Variants in KSR1 observed in about 807,000 individuals in gnomAD.
KSR1 encodes kinase suppressor of ras 1, also known as kinase suppressor of ras.
Under a neutral mutation model 92.9 loss-of-function variants are expected in KSR1, and 35 were observed. The observed-to-expected ratio is 0.38, with a 90% CI of 0.29 to 0.50. The LOEUF is 0.50. Among genes scored for constraint, KSR1 ranks in the 20% least tolerant of loss-of-function variants. The probability of loss-of-function intolerance (pLI) is 0.94; values close to 1 mark genes in which losing one functional copy is unlikely to be tolerated. For synonymous variants in KSR1, 467 were observed against 472.6 expected, an observed-to-expected ratio of 0.99 and a Z score of 0.15; for missense variants, 972 against 1,158.5, an observed-to-expected ratio of 0.84 and a Z score of 2.34.
Position 27,577,386 on chromosome 17 carries a change from C to A in KSR1, c.373-106C>A. On this transcript the variant is annotated intron_variant, in intron 2 of 20. Transcript: ENST00000644974. The surrounding 1 kb of genome is among the most constrained non-coding windows in gnomAD (Gnocchi z 4.5). ...TGGCTCTGGTCAGAGGCCGGCCCAG[C>A]CAGCAGCTGGCCCCTGCCACTCAGC... 1 of 686,090 alleles carries A rather than the reference C, an allele frequency of 1.5e-6. No individual in the cohort carries two copies. The highest frequency in any genetic ancestry group is 2.4e-6 in the Non-Finnish European group (1 of 408,784). The allele number at this position is 686,090 out of a possible 1,614,324, so 42.5% of individuals were successfully genotyped here.
At chr17:27,479,668 G>C (rs2068454585) in intron 1 of KSR1, among the ~76,000 whole-genome samples, 1 of 152,192 alleles carries the variant, frequency 6.6e-6, no homozygotes, top group African/African-American at 2.4e-5. Flanking sequence ...GGGCATCCCA[G>C]ACCTCTGTTG....
intron 1 of KSR1, among the ~76,000 whole-genome samples, chr17:27,487,051 A>G (rs1285801640): frequency 1.3e-5 from 2 of 152,228 alleles, no homozygotes; most frequent in Non-Finnish European, 2.9e-5. Flanking sequence ...GTAAAAGAAT[A>G]TAGAATGAAA....
intron 1 of KSR1, among the ~76,000 whole-genome samples, chr17:27,500,809 G>T (rs1202732352): frequency 6.6e-6 from 1 of 152,144 alleles, no homozygotes; most frequent in Non-Finnish European, 1.5e-5. Flanking sequence ...CGAGTAGCGG[G>T]GGCAAAGGGT....
intron 2 of KSR1, among the ~76,000 whole-genome samples, chr17:27,552,808 G>T (rs2071441908): frequency 6.6e-6 from 1 of 152,194 alleles, no homozygotes; most frequent in Non-Finnish European, 1.5e-5. Flanking sequence ...GCCACAGTGG[G>T]GTCCTGGGGC....
At chr17:27,606,549 C>G (rs2073759256) in intron 14 of KSR1, among the ~76,000 whole-genome samples, 1 of 152,120 alleles carries the variant, frequency 6.6e-6, no homozygotes, top group Admixed American at 6.5e-5. Flanking sequence ...CACAGTATCC[C>G]CATCACGTAG....
chr17:27,597,567 C>A lies in KSR1; in HGVS notation c.1468+131C>A, dbSNP rs111999043. On this transcript the variant is annotated intron_variant, in intron 10 of 20. Coordinates refer to ENST00000644974, the MANE Select transcript of KSR1 (RefSeq NM_001394583.1). ...AGCTGATGTTTATGAAGTACTTGTCCGGCGCCCCAAGCACAATAGCTCTGA... is the reference window on the plus strand; with the variant it reads ...AGCTGATGTTTATGAAGTACTTGTCAGGCGCCCCAAGCACAATAGCTCTGA... 592 of 986,304 alleles carry A rather than the reference C, an allele frequency of 6.0e-4. 3 individuals carry two copies. In the African/African-American group the frequency reaches 7.5e-3, roughly 12 times the overall value. The allele number at this position is 986,304 out of a possible 1,614,324, so 61.1% of individuals were successfully genotyped here. A position where few individuals can be genotyped will look rare whatever the true frequency, so the allele number is the denominator to read the frequency against.
intron 1 of KSR1, among the ~76,000 whole-genome samples, chr17:27,524,742 A>C (rs1356149614): frequency 6.6e-6 from 1 of 152,194 alleles, no homozygotes; most frequent in East Asian, 1.9e-4. Flanking sequence ...CCACCTGCAC[A>C]TTGAGTTTTC....
At position 27,603,862 on chromosome 17, in the gene KSR1, G is replaced by T. The variant is rs374446504; in HGVS notation, c.1539G>T (p.Pro513=). 2 of 1,613,904 alleles carry T rather than the reference G, an allele frequency of 1.2e-6. No individual in the cohort carries two copies. The highest frequency in any genetic ancestry group is 1.7e-6 in the Non-Finnish European group (2 of 1,179,850). ...TTTCAGCCTTTGCACACGCAGCCCC[G>T]CTCCCTGAAGCTGCCGACGGTACCC... is the stretch of plus-strand genomic sequence containing the variant. The part of the protein sequence containing the change: ...PDISAFAHAA[P]LPEAADGTRL... The change falls in exon 12 of 21, where the codon CCG becomes CCT. Residue 513 remains proline (P), a synonymous_variant. Coordinates refer to ENST00000644974, the MANE Select transcript of KSR1 (RefSeq NM_001394583.1).
chr17:27,539,210 G>A (rs2070868890), intron 1 of KSR1, among the ~76,000 whole-genome samples: 1 of 152,218 alleles, frequency 6.6e-6, no homozygotes, highest in African/African-American at 2.4e-5. Flanking sequence ...GTGATTGAGG[G>A]GTTGAGCTGA....
At chr17:27,572,542 T>A (rs1479062058) in intron 2 of KSR1, among the ~76,000 whole-genome samples, 1 of 152,232 alleles carries the variant, frequency 6.6e-6, no homozygotes, top group Non-Finnish European at 1.5e-5. Flanking sequence ...CCCTTGGCTT[T>A]GAGACAACTT....
chr17:27,564,736 A>AC (rs34194473), intron 2 of KSR1, among the ~76,000 whole-genome samples: 1,127 of 101,440 alleles, frequency 0.011, 30 homozygotes, highest in South Asian at 0.019. Context: ...AAGATGGAAG[A>AC]CCCCCCCCCC....
chr17:27,511,504 C>A (rs1306207026), intron 1 of KSR1, among the ~76,000 whole-genome samples: 1 of 152,184 alleles, frequency 6.6e-6, no homozygotes, highest in East Asian at 1.9e-4. Context: ...GACAAGAAAA[C>A]AGCCTGCTCT....
intron 1 of KSR1, among the ~76,000 whole-genome samples, chr17:27,484,093 A>G (rs936118830): frequency 6.6e-6 from 1 of 152,042 alleles, no homozygotes; most frequent in Non-Finnish European, 1.5e-5. Flanking sequence ...TGTGAGAAAT[A>G]TTTGCTGGAA....
At chr17:27,606,251 C>T (rs1363982488) in intron 14 of KSR1, among the ~76,000 whole-genome samples, 1 of 152,176 alleles carries the variant, frequency 6.6e-6, no homozygotes, top group Admixed American at 6.5e-5. Context: ...TGCACTCCAG[C>T]CTGGGTGACA....
chr17:27,623,268 T>C (rs1433476845), intron 20 of KSR1, 46 bp from the exon 21 acceptor site: 1 of 746,156 alleles, frequency 1.3e-6, no homozygotes, highest in South Asian at 1.4e-5. Flanking sequence ...CTAATTCTGA[T>C]GAAGATCAAT....
intron 2 of KSR1, among the ~76,000 whole-genome samples, chr17:27,556,743 T>C (rs1380846417): frequency 6.6e-6 from 1 of 152,200 alleles, no homozygotes; most frequent in Non-Finnish European, 1.5e-5. Flanking sequence ...GTGTGTTGAA[T>C]GGTCAGTGTG....
At chr17:27,616,048 T>C (rs2074044876) in intron 18 of KSR1, among the ~76,000 whole-genome samples, 1 of 152,238 alleles carries the variant, frequency 6.6e-6, no homozygotes, top group Admixed American at 6.5e-5. Flanking sequence ...TTATGCCTGC[T>C]ATAGTGAAAT....
chr17:27,529,157 T>G (rs540025249), intron 1 of KSR1, among the ~76,000 whole-genome samples: 1 of 152,338 alleles, frequency 6.6e-6, no homozygotes, highest in South Asian at 2.1e-4. Context: ...AATTAATGCC[T>G]TAAATTAAAA....
intron 2 of KSR1, chr17:27,560,284 TAGCA>T: frequency 2.5e-6 from 1 of 398,360 alleles, no homozygotes; most frequent in Non-Finnish European, 4.9e-6. Context: ...TTTTTTTCTT[TAGCA>T]ATTTCCCGGT....
Sources: gnomAD v4.1 joint callset for allele counts (sites outside exome capture counted in the v4.1 genomes callset) on GRCh38, gnomAD v4.1.1 for gene constraint, Gnocchi (gnomAD v3.1) non-coding constraint, MANE v1.5 for transcripts, NCBI Gene and HGNC (gene_info 2026-07-23, HGNC 2026-07-21) for gene names.